VGLL1: variants seen among roughly 807,000 people sequenced by gnomAD.
VGLL1 encodes the protein transcription cofactor vestigial-like protein 1.
In VGLL1, 4 loss-of-function variants were observed where a neutral mutation model predicts 12.0. The observed-to-expected ratio is 0.33, with a 90% CI of 0.16 to 0.76. The LOEUF (loss-of-function observed/expected upper bound fraction) is 0.76. Ranked by LOEUF, VGLL1 falls within the 30% of genes least tolerant of loss-of-function variation. VGLL1 has a pLI of 0.60. For synonymous variants in VGLL1, 87 were observed against 81.2 expected (o/e 1.07, Z -0.39); for missense variants, 204 against 208.7 (o/e 0.98, Z 0.14).
intron 2 of VGLL1, among the ~76,000 whole-genome samples, chrX:136,547,257 C>A (rs758821673): frequency 4.5e-5 from 5 of 112,330 alleles, no homozygotes; most frequent in Non-Finnish European, 9.4e-5. Context: ...AGAACTCTTT[C>A]CCTCCTCCCT....
intron 1 of VGLL1, among the ~76,000 whole-genome samples, chrX:136,533,800 C>A (rs1478599889): frequency 8.9e-6 from 1 of 111,798 alleles, no homozygotes; most frequent in Non-Finnish European, 1.9e-5. Context: ...CTATTAGACC[C>A]AATGGGTAGT....
rs188255594 is a variant in VGLL1, at chrX:136,555,211, T to C, written c.689-1240T>C. On this transcript the variant is annotated intron_variant, in intron 4 of 4. Transcript: ENST00000370634. ...TGTTAAAGGCTGTGGAGAGATCAAA[T>C]AAGAGAAGGTCAAATAAGAAGAAAT... is the stretch of plus-strand genomic sequence containing the variant. Among the ~76,000 whole-genome samples, 4 of 112,039 alleles carry C rather than the reference T, an allele frequency of 3.6e-5. No individual in the cohort carries two copies. The East Asian group carries it at 1.1e-3, about 31-fold the overall frequency.
intron 1 of VGLL1, among the ~76,000 whole-genome samples, chrX:136,532,571 A>ATATT (rs1166808212): frequency 2.0e-4 from 19 of 93,181 alleles, no homozygotes; most frequent in South Asian, 5.1e-4. Context: ...CTGTGCTCAA[A>ATATT]TATTTCTTTC....
chrX:136,548,228 T>C (rs748700427), intron 2 of VGLL1, among the ~76,000 whole-genome samples: 2 of 111,935 alleles, frequency 1.8e-5, no homozygotes, highest in Non-Finnish European at 3.8e-5. Context: ...CTCGAACTCC[T>C]GGCTTCAAGT....
At chrX:136,535,474 G>A (rs571482255) in intron 1 of VGLL1, among the ~76,000 whole-genome samples, 10 of 111,684 alleles carry the variant, frequency 9.0e-5, no homozygotes, top group East Asian at 2.8e-4. Flanking sequence ...AGATTAAGGC[G>A]TCAGGGGAGT....
chrX:136,544,014 G>A (rs1320764124), intron 2 of VGLL1, among the ~76,000 whole-genome samples: 3 of 111,555 alleles, frequency 2.7e-5, no homozygotes, highest in African/African-American at 6.5e-5. Flanking sequence ...TAAGCATTCA[G>A]GAAACAAAAA....
chrX:136,542,813 G>C (rs1311792680), intron 2 of VGLL1, among the ~76,000 whole-genome samples: 1 of 111,771 alleles, frequency 8.9e-6, no homozygotes, highest in Admixed American at 9.4e-5. Context: ...TGTACACTCT[G>C]ACAATGCCCC....
intron 4 of VGLL1, among the ~76,000 whole-genome samples, chrX:136,553,275 A>G (rs1368365930): frequency 9.4e-6 from 1 of 106,178 alleles, no homozygotes; most frequent in African/African-American, 3.5e-5. Flanking sequence ...TAGATTTGGC[A>G]TGAGACTCAG....
At chrX:136,535,533 A>G (rs2075837394) in intron 1 of VGLL1, among the ~76,000 whole-genome samples, 1 of 111,089 alleles carries the variant, frequency 9.0e-6, no homozygotes, top group African/African-American at 3.3e-5. Flanking sequence ...GTCAAGATGG[A>G]AAGCAATGCC....
intron 4 of VGLL1, among the ~76,000 whole-genome samples, chrX:136,553,396 C>T (rs1463958001): frequency 5.7e-5 from 6 of 105,247 alleles, no homozygotes; most frequent in South Asian, 4.4e-4. Context: ...CTGCAACCTC[C>T]GCCTCCTGGG....
At chrX:136,547,149 A>G (rs1178076490) in intron 2 of VGLL1, among the ~76,000 whole-genome samples, 1 of 112,344 alleles carries the variant, frequency 8.9e-6, no homozygotes, top group Non-Finnish European at 1.9e-5. Flanking sequence ...TGTCCCAGAC[A>G]TCCTCTCCAG....
Position 136,543,459 on chromosome X carries a change from G to T in VGLL1, c.215-5130G>T, listed in dbSNP as rs759515520. Among the ~76,000 whole-genome samples the T allele has an allele frequency of 4.5e-5, 5 of 111,779 alleles. No homozygotes were observed. The South Asian group carries it at 1.5e-3, about 34-fold the overall frequency. On this transcript the variant is annotated intron_variant, in intron 2 of 4. Coordinates refer to ENST00000370634, the MANE Select transcript of VGLL1 (RefSeq NM_016267.4). ...GTGCAAAGTGTGCATGTGTTCAGAG[G>T]GTTCTTGATTTCAACTTCATCATAA... is the stretch of plus-strand genomic sequence containing the variant.
chrX:136,532,499 G>A (rs1024272705), intron 1 of VGLL1, among the ~76,000 whole-genome samples: 5 of 111,298 alleles, frequency 4.5e-5, no homozygotes, highest in Non-Finnish European at 9.4e-5. Context: ...GGAGAAGTGC[G>A]GTAAGTGCGT....
chrX:136,539,330 TC>T (rs1286658839), intron 2 of VGLL1, among the ~76,000 whole-genome samples: 1 of 111,408 alleles, frequency 9.0e-6, no homozygotes, highest in Admixed American at 9.6e-5. Flanking sequence ...GTGTACTCTG[TC>T]CTTTCCTCTC....
intron 2 of VGLL1, among the ~76,000 whole-genome samples, chrX:136,542,415 T>C (rs1486782930): frequency 1.8e-5 from 2 of 111,846 alleles, no homozygotes; most frequent in East Asian, 5.6e-4. Context: ...CCACTGTGAT[T>C]TATAAAGTTC....
intron 2 of VGLL1, 93 bp downstream of exon 2, chrX:136,536,327 T>C (rs1293637504): frequency 1.1e-6 from 1 of 927,874 alleles, no homozygotes; most frequent in African/African-American, 2.0e-5. Flanking sequence ...CTTGGACACT[T>C]ATATGTTTGC....
At chrX:136,546,640 C>G in intron 2 of VGLL1, among the ~76,000 whole-genome samples, 1 of 112,429 alleles carries the variant, frequency 8.9e-6, no homozygotes, top group East Asian at 2.8e-4. Context: ...ACATTTCAAG[C>G]ATTCAGCCCC....
At chrX:136,551,907 C>G (rs145147180) in intron 4 of VGLL1, among the ~76,000 whole-genome samples, 100 of 110,580 alleles carry the variant, frequency 9.0e-4, no homozygotes, top group African/African-American at 3.0e-3. Flanking sequence ...ATAGCAAGAC[C>G]CTCATCTCCA....
At chrX:136,553,017 G>C (rs1220073504) in intron 4 of VGLL1, among the ~76,000 whole-genome samples, 1 of 111,771 alleles carries the variant, frequency 8.9e-6, no homozygotes, top group East Asian at 2.8e-4. Flanking sequence ...GAGAGTAGTT[G>C]AGGAAAGGTG....
Sources: allele counts gnomAD v4.1 joint callset (sites outside exome capture counted in the v4.1 genomes callset), GRCh38; gene constraint gnomAD v4.1.1; transcripts MANE v1.5; gene names NCBI Gene and HGNC (gene_info 2026-07-23, HGNC 2026-07-21).